PLCXD2: variants seen among roughly 807,000 people sequenced by gnomAD.
PLCXD2 encodes PI-PLC X domain-containing protein 2.
PLCXD2 carries 21 observed loss-of-function variants against 28.6 expected under a neutral mutation model. The ratio of observed to expected loss-of-function variants is 0.73; its 90% CI spans 0.52 to 1.06. PLCXD2 has a LOEUF of 1.06. Among genes scored for constraint, PLCXD2 ranks in the 50% least tolerant of loss-of-function variants. The pLI is 0.00. For synonymous variants in PLCXD2, 140 were observed against 150.1 expected (o/e 0.93, Z 0.49); for missense variants, 369 against 376.7 (o/e 0.98, Z 0.17).
At chr3:111,684,327 TA>T (rs1224720097) in intron 1 of PLCXD2, among the ~76,000 whole-genome samples, 296 of 106,824 alleles carry the variant, frequency 2.8e-3, no homozygotes, top group Middle Eastern at 0.011. Context: ...AGACTCCATC[TA>T]AAAAAAAAAA....
Position 111,714,090 on chromosome 3 carries a change from G to C in PLCXD2, c.828G>C (p.Arg276=), listed in dbSNP as rs761278099. The C allele has an allele frequency of 6.2e-7, 1 of 1,614,094 alleles. No homozygotes were observed. The change falls in exon 3 of 5, where the codon CGG becomes CGC. Residue 276 remains arginine, a synonymous_variant. Transcript: ENST00000477665. ...CCCCCAGAGTGAAGACCATTGCCCGGGGCTTGGTTGGGGGCCTCAAGAACA... is the reference window on the plus strand; with the variant it reads ...CCCCCAGAGTGAAGACCATTGCCCGCGGCTTGGTTGGGGGCCTCAAGAACA...
At chr3:111,681,511 A>G (rs1429854698) in intron 1 of PLCXD2, among the ~76,000 whole-genome samples, 1 of 152,078 alleles carries the variant, frequency 6.6e-6, no homozygotes, top group Non-Finnish European at 1.5e-5. Flanking sequence ...TCCTTCCCCC[A>G]GCTATTGGAA....
chr3:111,722,556 A>T (rs1480923205), intron 3 of PLCXD2: 2 of 152,228 alleles, frequency 1.3e-5, no homozygotes, highest in Non-Finnish European at 2.9e-5. Flanking sequence ...CTAGGCATGG[A>T]AATGTGTGCA....
intron 2 of PLCXD2, among the ~76,000 whole-genome samples, chr3:111,713,437 T>A (rs1941228451): frequency 6.6e-6 from 1 of 152,258 alleles, no homozygotes; most frequent in Non-Finnish European, 1.5e-5. Context: ...ATACCACTTA[T>A]GCTTATCCCT....
At chr3:111,711,231 C>G (rs2107865923) in intron 2 of PLCXD2, among the ~76,000 whole-genome samples, 1 of 152,190 alleles carries the variant, frequency 6.6e-6, no homozygotes, top group Middle Eastern at 3.4e-3. Context: ...TGGTGAAACC[C>G]CATCTCTACT....
intron 3 of PLCXD2, chr3:111,726,495 T>G (rs947315513): frequency 6.6e-6 from 1 of 152,212 alleles, no homozygotes; most frequent in Non-Finnish European, 1.5e-5. Flanking sequence ...CTCTAATAGA[T>G]ATGCTATTTT....
intron 1 of PLCXD2, among the ~76,000 whole-genome samples, chr3:111,678,919 G>A (rs1411042527): frequency 1.3e-5 from 2 of 152,118 alleles, no homozygotes; most frequent in Admixed American, 1.3e-4. Flanking sequence ...ACAATTGCCA[G>A]AATGAAGCAG....
Position 111,708,273 on chromosome 3 carries a change from A to G in PLCXD2, c.511A>G (p.Thr171Ala), listed in dbSNP as rs1411958076. 5 of 1,614,056 alleles carry G rather than the reference A, an allele frequency of 3.1e-6. No homozygotes were observed. Among genetic ancestry groups the G allele is most frequent in the Non-Finnish European group, 4.2e-6 (5 of 1,180,000 alleles). ...CAACCACTTCTATGCCATGGATGAG[A>G]CCCATCACAAATGCCTGGTTCTGCG... The change falls in exon 2 of 5, where the codon ACC becomes GCC. Residue 171 changes from threonine to alanine, a missense_variant. Coordinates refer to ENST00000477665, the MANE Select transcript of PLCXD2 (RefSeq NM_001185106.1).
At chr3:111,684,938 A>T (rs1386182443) in intron 1 of PLCXD2, among the ~76,000 whole-genome samples, 1 of 152,170 alleles carries the variant, frequency 6.6e-6, no homozygotes, top group Non-Finnish European at 1.5e-5. Context: ...GCAAAAGAGA[A>T]GGTGCAAGGG....
intron 2 of PLCXD2, among the ~76,000 whole-genome samples, chr3:111,713,188 TAA>T (rs1941224122): frequency 6.6e-6 from 1 of 152,248 alleles, no homozygotes; most frequent in Non-Finnish European, 1.5e-5. Context: ...CTGCTCAGCC[TAA>T]GAGTTCTCAG....
At chr3:111,703,861 A>T (rs1365029959) in intron 1 of PLCXD2, among the ~76,000 whole-genome samples, 2 of 152,194 alleles carry the variant, frequency 1.3e-5, no homozygotes, top group African/African-American at 2.4e-5. Flanking sequence ...CTTACCTGAA[A>T]TATGCTGGTA....
chr3:111,691,492 A>G (rs1940876026), intron 1 of PLCXD2: 1 of 152,224 alleles, frequency 6.6e-6, no homozygotes, highest in South Asian at 2.1e-4. Flanking sequence ...AGAAGGTTAG[A>G]GTGCCCTCCT....
rs901635777 is a variant in PLCXD2, at chr3:111,681,219, T to C, written c.163+5811T>C. On this transcript the variant is annotated intron_variant, in intron 1 of 4. Coordinates refer to ENST00000477665, the MANE Select transcript of PLCXD2 (RefSeq NM_001185106.1). ...ATGTGAGTGCCAAGGGTGTCTTAGA[T>C]GCAATAGCAGGTGGCTGATCAAGAC... is the stretch of plus-strand genomic sequence containing the variant. 3.3e-5 allele frequency among the ~76,000 whole-genome samples: 5 copies of C among 152,196 alleles called. No individual in the cohort carries two copies. The East Asian group carries it at 9.6e-4, about 29-fold the overall frequency.
intron 1 of PLCXD2, among the ~76,000 whole-genome samples, chr3:111,678,484 A>G (rs1442280935): frequency 6.6e-6 from 1 of 152,230 alleles, no homozygotes; most frequent in Non-Finnish European, 1.5e-5. Context: ...TCTATAATGT[A>G]TACTGCTTTT....
At chr3:111,722,315 C>T (rs933385483) in intron 3 of PLCXD2, 1 of 152,106 alleles carries the variant, frequency 6.6e-6, no homozygotes, top group Non-Finnish European at 1.5e-5. Context: ...GTCTTTCTGT[C>T]CTGAACAGGA....
chr3:111,681,678 G>A (rs539783373), intron 1 of PLCXD2, among the ~76,000 whole-genome samples: 11 of 152,214 alleles, frequency 7.2e-5, no homozygotes, highest in African/African-American at 2.4e-4. Flanking sequence ...ACATGCTATC[G>A]TTCACCAGTC....
chr3:111,708,408 G>A (rs993259222), intron 2 of PLCXD2, 22 bp downstream of exon 2: 5 of 1,588,412 alleles, frequency 3.1e-6, no homozygotes, highest in South Asian at 1.1e-5. Context: ...GGAGAGATAA[G>A]CTTCCAAGAG....
intron 3 of PLCXD2, chr3:111,722,887 A>G (rs1423361166): frequency 1.3e-5 from 2 of 152,178 alleles, no homozygotes; most frequent in Admixed American, 6.5e-5. Flanking sequence ...CATAATAGAA[A>G]TGCCTCTGGG....
intron 1 of PLCXD2, among the ~76,000 whole-genome samples, chr3:111,702,763 C>T (rs1941061377): frequency 6.6e-6 from 1 of 151,964 alleles, no homozygotes; most frequent in African/African-American, 2.4e-5. Context: ...AAGAAATGCT[C>T]GAATTTTATT....
Sources: allele counts gnomAD v4.1 joint callset (sites outside exome capture counted in the v4.1 genomes callset), GRCh38; gene constraint gnomAD v4.1.1; transcripts MANE v1.5; gene names NCBI Gene and HGNC (gene_info 2026-07-23, HGNC 2026-07-21).